Variants in MAP3K14 observed in about 807,000 individuals in gnomAD.
The protein encoded by MAP3K14 is mitogen-activated protein kinase kinase kinase 14.
MAP3K14 carries 16 observed loss-of-function variants against 99.2 expected under a neutral mutation model. The ratio of observed to expected loss-of-function variants is 0.16; its 90% CI spans 0.11 to 0.24. The LOEUF (loss-of-function observed/expected upper bound fraction) is 0.24, where lower values mean the gene tolerates loss of function less well. Among genes scored for constraint, MAP3K14 ranks in the 10% least tolerant of loss-of-function variants. The pLI, the probability that MAP3K14 is intolerant of heterozygous loss-of-function variation, is 1.00. For synonymous variants in MAP3K14, 462 were observed against 492.4 expected (o/e 0.94, Z 0.82); for missense variants, 784 against 1,208.7 (o/e 0.65, Z 5.21).
At chr17:45,283,675 A>G (rs747861635) in intron 6 of MAP3K14, among the ~76,000 whole-genome samples, 1 of 152,062 alleles carries the variant, frequency 6.6e-6, no homozygotes, top group African/African-American at 2.4e-5. Context: ...AAAGTTTTGG[A>G]TTTTGGAGCA....
chr17:45,298,447 A>G (rs2044362182), intron 1 of MAP3K14, among the ~76,000 whole-genome samples: 1 of 152,262 alleles, frequency 6.6e-6, no homozygotes, highest in Non-Finnish European at 1.5e-5. Context: ...GATGCTGACT[A>G]AAAGAAACAA....
intron 10 of MAP3K14, 109 bp from the exon 11 acceptor site, chr17:45,270,672 GGTCTACCACAAGGA>G (rs1421644976): frequency 7.2e-7 from 1 of 1,386,414 alleles, no homozygotes; most frequent in Non-Finnish European, 9.5e-7. Context: ...GCTGTGCTGG[GGTCTACCACAAGGA>G]ATGGAGGGGT....
At chr17:45,314,681 C>A (rs186104743) in intron 1 of MAP3K14, among the ~76,000 whole-genome samples, 1 of 151,588 alleles carries the variant, frequency 6.6e-6, no homozygotes, top group Non-Finnish European at 1.5e-5. Flanking sequence ...TGCCTTTATG[C>A]GTATTGGGCT....
chr17:45,287,147 G>A lies in MAP3K14; in HGVS notation c.537+7C>T. On this transcript the variant is annotated splice_region_variant and intron_variant, in intron 4 of 15. Transcript: ENST00000344686. ...CTGGGGTCTGGGCAGTGGGTGGAGG[G>A]TCTCACCTGCACTGGGATGGTGCAG... The A allele has an allele frequency of 1.2e-6, 2 of 1,612,256 alleles. No homozygotes were observed. Among genetic ancestry groups the A allele is most frequent in the South Asian group, 2.2e-5 (2 of 90,928 alleles).
chr17:45,270,146 G>T (rs899841110), intron 11 of MAP3K14, among the ~76,000 whole-genome samples: 3 of 152,136 alleles, frequency 2.0e-5, no homozygotes, highest in African/African-American at 7.2e-5. Context: ...GAGTCTTCTG[G>T]GTTGATTGTA....
intron 6 of MAP3K14, among the ~76,000 whole-genome samples, chr17:45,278,775 G>A (rs983336163): frequency 4.0e-5 from 6 of 151,652 alleles, no homozygotes; most frequent in Non-Finnish European, 8.8e-5. Context: ...ACCTTCCCGG[G>A]CTCAAGCGAT....
At chr17:45,288,527 G>A (rs1402139215) in intron 3 of MAP3K14, among the ~76,000 whole-genome samples, 2 of 152,050 alleles carry the variant, frequency 1.3e-5, no homozygotes, top group Admixed American at 6.6e-5. Flanking sequence ...ACAGGCATGC[G>A]CTACCATGCC....
At chr17:45,275,760 CTTTTTTT>C (rs369154222) in intron 6 of MAP3K14, among the ~76,000 whole-genome samples, 1 of 123,538 alleles carries the variant, frequency 8.1e-6, no homozygotes, top group Non-Finnish European at 1.7e-5. Context: ...CTTTTCTTTT[CTTTTTTT>C]TTTTTTTTTT....
At chr17:45,307,294 TA>T (rs2044438137) in intron 1 of MAP3K14, among the ~76,000 whole-genome samples, 1 of 151,928 alleles carries the variant, frequency 6.6e-6, no homozygotes, top group African/African-American at 2.4e-5. Flanking sequence ...ATTAATTAAT[TA>T]AAAAAATTTC....
chr17:45,294,441 C>T (rs1055053358), intron 1 of MAP3K14, among the ~76,000 whole-genome samples: 20 of 152,162 alleles, frequency 1.3e-4, no homozygotes, highest in African/African-American at 4.1e-4. Context: ...AGGATGGATT[C>T]AGGGAGAAAA....
chr17:45,266,158 G>C (rs756604539), intron 14 of MAP3K14: 6 of 178,390 alleles, frequency 3.4e-5, no homozygotes, highest in African/African-American at 4.7e-5. Flanking sequence ...CCCAGAGGGG[G>C]ATTCCTTTTG....
At chr17:45,270,853 T>C in intron 10 of MAP3K14, 1 of 808,466 alleles carries the variant, frequency 1.2e-6, no homozygotes. Flanking sequence ...AGTTCTCACC[T>C]GCCATGAACT....
intron 6 of MAP3K14, among the ~76,000 whole-genome samples, chr17:45,282,997 G>A (rs1443465542): frequency 6.6e-6 from 1 of 152,238 alleles, no homozygotes; most frequent in East Asian, 1.9e-4. Context: ...TTGAGCTGCA[G>A]CTCTGGTGCT....
chr17:45,306,081 T>C (rs1719944205), intron 1 of MAP3K14, among the ~76,000 whole-genome samples: 1 of 152,232 alleles, frequency 6.6e-6, no homozygotes, highest in African/African-American at 2.4e-5. Context: ...TGAATAATAA[T>C]GACAGCTATT....
chr17:45,305,543 G>A (rs1427002272), intron 1 of MAP3K14, among the ~76,000 whole-genome samples: 1 of 152,012 alleles, frequency 6.6e-6, no homozygotes, highest in African/African-American at 2.4e-5. Context: ...TTACAGGCAT[G>A]TACCACCACG....
In MAP3K14 at chr17:45,264,003, A is replaced by G. The variant is rs1370453384; in HGVS notation, c.*633T>C. 1.3e-5 allele frequency: 2 copies of G among 152,212 alleles called. No individual in the cohort carries two copies. The highest frequency in any genetic ancestry group is 4.8e-5 in the African/African-American group (2 of 41,414). The allele number at this position is 152,212 out of a possible 1,614,324, so 9.4% of individuals were successfully genotyped here. On this transcript the variant is annotated 3_prime_UTR_variant, in exon 16 of 16. Coordinates refer to ENST00000344686, the MANE Select transcript of MAP3K14 (RefSeq NM_003954.5). The stretch of plus-strand genomic sequence containing the variant: ...TGGTCCTTGGCTGAACCAGAGGTCA[A>G]CTCAGGACCTGTGTTGCAACAACCT...
At chr17:45,298,182 T>C (rs1362878701) in intron 1 of MAP3K14, among the ~76,000 whole-genome samples, 4 of 152,168 alleles carry the variant, frequency 2.6e-5, no homozygotes, top group African/African-American at 9.7e-5. Context: ...TTAGTATGTA[T>C]GTTGATTTAA....
intron 9 of MAP3K14, 135 bp downstream of exon 9, chr17:45,273,368 C>T: frequency 1.5e-6 from 1 of 652,140 alleles, no homozygotes. Context: ...CCCTGATAAT[C>T]ATCCAGGCTG....
intron 10 of MAP3K14, 149 bp downstream of exon 10, chr17:45,270,909 G>T: frequency 1.8e-6 from 2 of 1,127,426 alleles, no homozygotes; most frequent in Non-Finnish European, 2.6e-6. Flanking sequence ...CCCAGATTTG[G>T]GTGGCAAGTA....
Sources: gnomAD v4.1 joint callset for allele counts (sites outside exome capture counted in the v4.1 genomes callset) on GRCh38, gnomAD v4.1.1 for gene constraint, MANE v1.5 for transcripts, NCBI Gene and HGNC (gene_info 2026-07-23, HGNC 2026-07-21) for gene names.